The following SNX9 variants were observed in gnomAD, a reference collection of about 807,000 sequenced individuals.
The protein encoded by SNX9 is sorting nexin 9.
SNX9 carries 44 observed loss-of-function variants against 89.4 expected under a neutral mutation model. The observed-to-expected ratio is 0.49, with a 90% CI of 0.39 to 0.63. The LOEUF is 0.63. Among genes scored for constraint, SNX9 ranks in the 30% least tolerant of loss-of-function variants. The probability of loss-of-function intolerance (pLI) is 0.00; values close to 1 mark genes in which losing one functional copy is unlikely to be tolerated. For missense variants in SNX9, 578 were observed against 736.1 expected (o/e 0.79, Z 2.49); for synonymous variants, 236 against 247.8 (o/e 0.95, Z 0.45).
intron 4 of SNX9, among the ~76,000 whole-genome samples, chr6:157,887,687 C>T (rs1782764218): frequency 6.6e-6 from 1 of 152,104 alleles, no homozygotes; most frequent in Non-Finnish European, 1.5e-5. Context: ...TTTTTGTTTT[C>T]ATTGGGAGCA....
chr6:157,853,940 G>A (rs1261752696), intron 1 of SNX9, among the ~76,000 whole-genome samples: 1 of 152,152 alleles, frequency 6.6e-6, no homozygotes, highest in Non-Finnish European at 1.5e-5. Context: ...TAAGGAATTG[G>A]TCCAAGTTTT....
intron 1 of SNX9, among the ~76,000 whole-genome samples, chr6:157,843,274 C>A (rs1428385959): frequency 6.6e-6 from 1 of 152,148 alleles, no homozygotes; most frequent in African/African-American, 2.4e-5. Flanking sequence ...GGAGCACCGA[C>A]CGCCTGCCCA....
At chr6:157,900,978 T>C (rs1783084228) in intron 5 of SNX9, among the ~76,000 whole-genome samples, 1 of 152,214 alleles carries the variant, frequency 6.6e-6, no homozygotes, top group Non-Finnish European at 1.5e-5. Context: ...CCCTATCTTA[T>C]CCATATGGAC....
intron 1 of SNX9, among the ~76,000 whole-genome samples, chr6:157,863,509 A>G (rs771387130): frequency 1.3e-5 from 2 of 152,268 alleles, no homozygotes; most frequent in African/African-American, 2.4e-5. Flanking sequence ...TATTGAATAT[A>G]TAGTTTGGAG....
Position 157,880,921 on chromosome 6 carries a change from A to T in SNX9, c.300+5745A>T, listed in dbSNP as rs1255093177. ...TTTTGGAAAAAGTAAATGAAAAAAGAGTTCTAAAGTATTTAGAAGAGTACA... is the reference window on the plus strand; with the variant it reads ...TTTTGGAAAAAGTAAATGAAAAAAGTGTTCTAAAGTATTTAGAAGAGTACA... On this transcript the variant is annotated intron_variant, in intron 4 of 17. Transcript: ENST00000392185. Among the ~76,000 whole-genome samples, 12 of 152,360 alleles carry T rather than the reference A, an allele frequency of 7.9e-5. 1 individual carries two copies. Among genetic ancestry groups the T allele is most frequent in the Middle Eastern group, 3.4e-3 (1 of 294 alleles).
At position 157,897,064 on chromosome 6, in the gene SNX9, C is replaced by T. The variant is rs1032897639; in HGVS notation, c.472+66C>T. On this transcript the variant is annotated intron_variant, in intron 5 of 17. Transcript: ENST00000392185. ...GCTGAGTGGGAGAGACAGGGAAGAC[C>T]GAACTGTTTTTGCTGTTCCCACACT... 1.2e-5 allele frequency: 17 copies of T among 1,458,558 alleles called. No individual in the cohort carries two copies. The East Asian group carries it at 2.6e-4, about 22-fold the overall frequency. The allele number at this position is 1,458,558 out of a possible 1,614,324, so 90.4% of individuals were successfully genotyped here. A position where few individuals can be genotyped will look rare whatever the true frequency, so the allele number is the denominator to read the frequency against.
At chr6:157,848,258 G>T (rs1043378966) in intron 1 of SNX9, among the ~76,000 whole-genome samples, 1 of 152,106 alleles carries the variant, frequency 6.6e-6, no homozygotes, top group Non-Finnish European at 1.5e-5. Flanking sequence ...CGGCTACCTA[G>T]CTTCAATCTG....
Position 157,937,468 on chromosome 6 carries a change from A to G in SNX9, c.1478A>G (p.Asn493Ser). ...GATCTCCATTTCCTGATGGAATGTA[A>G]TCACGAGTATAAAGGTTTTCTTGGC... The part of the protein sequence containing the change: ...KKDLHFLMEC[N>S]HEYKGFLGCF... The change falls in exon 15 of 18, where the codon AAT (asparagine) becomes AGT (serine). Residue 493 changes from asparagine (N) to serine (S), a missense_variant. Asn to Ser is a conservative substitution (Grantham distance 46). This residue lies in a region of SNX9 where 348 missense variants were observed against 491.4 expected (regional missense o/e 0.71). Coordinates refer to ENST00000392185, the MANE Select transcript of SNX9 (RefSeq NM_016224.5). The G allele has an allele frequency of 6.2e-7, 1 of 1,613,976 alleles. No homozygotes were observed. The highest frequency in any genetic ancestry group is 8.5e-7 in the Non-Finnish European group (1 of 1,179,882).
In SNX9 at chr6:157,909,943, C is replaced by CTTTG. The variant is rs760773451; in HGVS notation, c.868_871dup (p.Asp291ValfsTer2). ...GATCTGTAAACCACAGGTATAAGCACTTTGACTGGTTATATGAGCGTCTCC... is the reference window on the plus strand; with the variant it reads ...GATCTGTAAACCACAGGTATAAGCACTTTGTTTGACTGGTTATATGAGCGTCTCC... On this transcript the variant is annotated frameshift_variant, in exon 9 of 18. Coordinates refer to ENST00000392185, the MANE Select transcript of SNX9 (RefSeq NM_016224.5). LOFTEE classifies it high-confidence loss of function. 15 of 1,614,044 alleles carry CTTTG rather than the reference C, an allele frequency of 9.3e-6. No individual in the cohort carries two copies.
chr6:157,933,653 A>C (rs1011655280), intron 13 of SNX9, among the ~76,000 whole-genome samples: 3 of 152,156 alleles, frequency 2.0e-5, no homozygotes, highest in Non-Finnish European at 4.4e-5. Flanking sequence ...AGCTGAGAGC[A>C]AGCCACGCCC....
At chr6:157,912,703 C>T (rs1476765145) in intron 9 of SNX9, among the ~76,000 whole-genome samples, 1 of 151,954 alleles carries the variant, frequency 6.6e-6, no homozygotes, top group Non-Finnish European at 1.5e-5. Flanking sequence ...CCTGTGGACT[C>T]GATAATTCAT....
intron 4 of SNX9, among the ~76,000 whole-genome samples, chr6:157,891,386 A>T (rs747604942): frequency 6.6e-6 from 1 of 152,160 alleles, no homozygotes; most frequent in Non-Finnish European, 1.5e-5. Context: ...GATCGACCAC[A>T]ACAAGTTAAT....
chr6:157,884,554 A>G (rs1222619702), intron 4 of SNX9, among the ~76,000 whole-genome samples: 2 of 152,168 alleles, frequency 1.3e-5, no homozygotes, highest in African/African-American at 4.8e-5. Context: ...TCTTTACAGA[A>G]CTTTATTGAA....
At chr6:157,860,194 T>TA in intron 1 of SNX9, among the ~76,000 whole-genome samples, 1 of 152,124 alleles carries the variant, frequency 6.6e-6, no homozygotes, top group Non-Finnish European at 1.5e-5. Flanking sequence ...GACATGGCCT[T>TA]AAAAAAATAG....
intron 1 of SNX9, among the ~76,000 whole-genome samples, chr6:157,850,006 C>T (rs112812863): frequency 2.0e-4 from 31 of 152,122 alleles, no homozygotes; most frequent in African/African-American, 7.2e-4. Flanking sequence ...GAGTGTAGGA[C>T]CCTGGAAAAC....
At chr6:157,917,935 A>AC (rs1396020321) in intron 9 of SNX9, among the ~76,000 whole-genome samples, 4 of 151,974 alleles carry the variant, frequency 2.6e-5, no homozygotes, top group Non-Finnish European at 4.4e-5. Context: ...CATTTCCTGA[A>AC]TTTTTTTCTT....
chr6:157,839,191 T>C (rs527841051), intron 1 of SNX9, among the ~76,000 whole-genome samples: 35 of 152,344 alleles, frequency 2.3e-4, no homozygotes, highest in African/African-American at 7.2e-4. Context: ...GTATAATTAC[T>C]GTTATATGTG....
At chr6:157,832,698 A>G (rs1026491743) in intron 1 of SNX9, among the ~76,000 whole-genome samples, 1 of 152,008 alleles carries the variant, frequency 6.6e-6, no homozygotes, top group Non-Finnish European at 1.5e-5. Context: ...AAGGGGGAAA[A>G]CCCTTATAAA....
At chr6:157,889,578 T>G (rs1782813495) in intron 4 of SNX9, among the ~76,000 whole-genome samples, 1 of 152,166 alleles carries the variant, frequency 6.6e-6, no homozygotes, top group Non-Finnish European at 1.5e-5. Context: ...TCCCAAGAAT[T>G]AGGAGTTGCT....
Sources: gnomAD v4.1 joint callset for allele counts (sites outside exome capture counted in the v4.1 genomes callset) on GRCh38, gnomAD v4.1.1 for gene constraint, gnomAD v4.1.1 regional missense constraint, MANE v1.5 for transcripts, NCBI Gene and HGNC (gene_info 2026-07-23, HGNC 2026-07-21) for gene names.